TPPP: variants seen among roughly 807,000 people sequenced by gnomAD.
TPPP encodes tubulin polymerization-promoting protein.
A neutral mutation model predicts 15.5 loss-of-function variants in TPPP; 6 were observed. The observed-to-expected ratio is 0.39, with a 90% CI of 0.21 to 0.77. The LOEUF is 0.77. Among genes scored for constraint, TPPP ranks in the 30% least tolerant of loss-of-function variants. The pLI is 0.42. For synonymous variants in TPPP, 146 were observed against 133.9 expected, an observed-to-expected ratio of 1.09 and a Z score of -0.63; for missense variants, 269 against 307.2, an observed-to-expected ratio of 0.88 and a Z score of 0.93.
At chr5:693,570 G>A (rs1197889564), upstream of TPPP, among the ~76,000 whole-genome samples, 4 of 151,606 alleles carry the variant, frequency 2.6e-5, no homozygotes, top group Admixed American at 2.6e-4. Context: ...CAGGCCCCGC[G>A]GACCGCCGGG....
intron 2 of TPPP, among the ~76,000 whole-genome samples, chr5:667,798 G>A (rs949128951): frequency 6.6e-6 from 1 of 152,010 alleles, no homozygotes; most frequent in African/African-American, 2.4e-5. Flanking sequence ...AGAGGGGTCC[G>A]CGTGGGCCCC....
In TPPP at chr5:664,097, G is replaced by GGA. The variant is rs1739798707; in HGVS notation, c.*1004_*1005insTC. On this transcript the variant is annotated 3_prime_UTR_variant, in exon 4 of 4. Transcript: ENST00000360578. ...TAGTGTCCTGCTCTCCGGCGGGGGG[G>GGA]ATTGGCCAGGAGAGGTTAGGCTGAG... 6.6e-6 allele frequency: 1 copy of GGA among 152,568 alleles called. No individual in the cohort carries two copies. The highest frequency in any genetic ancestry group is 6.5e-5 in the Admixed American group (1 of 15,290). The allele number at this position is 152,568 out of a possible 1,614,324, so 9.5% of individuals were successfully genotyped here.
At chr5:672,692 G>A (rs1740265067) in intron 2 of TPPP, among the ~76,000 whole-genome samples, 1 of 152,240 alleles carries the variant, frequency 6.6e-6, no homozygotes, top group African/African-American at 2.4e-5. Context: ...GGCGCTGGGA[G>A]ATTCGCTGTC....
chr5:676,924 ACGCACG>A (rs1740462367), intron 2 of TPPP, among the ~76,000 whole-genome samples: 1 of 145,436 alleles, frequency 6.9e-6, no homozygotes, highest in Non-Finnish European at 1.5e-5. Flanking sequence ...CGACGCAGAA[ACGCACG>A]CGCGCACACG....
At chr5:678,953 G>A (rs1382436751) in intron 1 of TPPP, among the ~76,000 whole-genome samples, 1 of 152,102 alleles carries the variant, frequency 6.6e-6, no homozygotes, top group Non-Finnish European at 1.5e-5. Context: ...AAGGACTCAA[G>A]GCTGAGGTGC....
At chr5:672,715 G>A (rs1024670922) in intron 2 of TPPP, among the ~76,000 whole-genome samples, 8 of 152,168 alleles carry the variant, frequency 5.3e-5, no homozygotes, top group African/African-American at 1.9e-4. Context: ...TGGCTCTACC[G>A]GGCCCCACTC....
At chr5:668,095 C>G (rs57968741) in intron 2 of TPPP, among the ~76,000 whole-genome samples, 5 of 60,810 alleles carry the variant, frequency 8.2e-5, no homozygotes, top group Non-Finnish European at 5.9e-5. Flanking sequence ...CCGCGTGGGC[C>G]CCATCAGGGA....
chr5:667,870 C>A (rs71585295), intron 2 of TPPP, among the ~76,000 whole-genome samples: 8,983 of 64,900 alleles, frequency 0.14, 768 homozygotes, highest in East Asian at 0.26. Flanking sequence ...AGGGAAGTAC[C>A]GACAAGCACA....
intron 2 of TPPP, among the ~76,000 whole-genome samples, chr5:676,845 A>G (rs943290259): frequency 1.9e-4 from 27 of 140,172 alleles, no homozygotes; most frequent in African/African-American, 8.1e-4. Context: ...TGCACACACG[A>G]CACAGAAACG....
intron 2 of TPPP, among the ~76,000 whole-genome samples, chr5:669,163 A>C (rs1465293179): frequency 6.6e-6 from 1 of 152,114 alleles, no homozygotes; most frequent in Non-Finnish European, 1.5e-5. Flanking sequence ...GGCTTTGGGG[A>C]GACAGAGCCC....
chr5:694,328 C>G (rs1486150101), upstream of TPPP, among the ~76,000 whole-genome samples: 1 of 144,826 alleles, frequency 6.9e-6, no homozygotes, highest in Non-Finnish European at 1.6e-5. Flanking sequence ...GAGGCCGAGG[C>G]GCAGCCCCCC....
At chr5:694,737 C>T (rs1410502903), upstream of TPPP, among the ~76,000 whole-genome samples, 1 of 26,800 alleles carries the variant, frequency 3.7e-5, no homozygotes, top group East Asian at 5.7e-4. Context: ...TGCTCGGGTG[C>T]GGGCTCGGCT....
At chr5:696,858 CTG>C (rs1322612472), upstream of TPPP, among the ~76,000 whole-genome samples, 3 of 71,666 alleles carry the variant, frequency 4.2e-5, no homozygotes, top group East Asian at 6.0e-4. Flanking sequence ...GTATGTTCAG[CTG>C]TGTGTGTGTC....
chr5:688,572 C>T (rs868278184), intron 1 of TPPP, among the ~76,000 whole-genome samples: 8 of 151,998 alleles, frequency 5.3e-5, no homozygotes, highest in Non-Finnish European at 1.0e-4. Context: ...CGGCCCAGAA[C>T]GGCTGGCACT....
chr5:696,188 G>T (rs1741008037), upstream of TPPP, among the ~76,000 whole-genome samples: 2 of 138,820 alleles, frequency 1.4e-5, no homozygotes, highest in South Asian at 4.9e-4. Flanking sequence ...TGGAAGCCCT[G>T]GGTGGAAGGG....
intron 1 of TPPP, among the ~76,000 whole-genome samples, chr5:684,072 CG>C (rs1740702113): frequency 6.6e-6 from 1 of 151,626 alleles, no homozygotes; most frequent in African/African-American, 2.4e-5. Flanking sequence ...ACCCCACTGC[CG>C]GAACAGGACC....
intron 1 of TPPP, among the ~76,000 whole-genome samples, chr5:683,136 C>A (rs1237354002): frequency 6.6e-6 from 1 of 152,138 alleles, no homozygotes; most frequent in Non-Finnish European, 1.5e-5. Context: ...CCCGCTGACC[C>A]CCAGAGCTCG....
intron 2 of TPPP, among the ~76,000 whole-genome samples, chr5:670,115 G>T (rs1023782776): frequency 6.6e-6 from 1 of 152,190 alleles, no homozygotes; most frequent in Non-Finnish European, 1.5e-5. Context: ...GTCTCTCAGG[G>T]ACACTGGGAC....
chr5:663,873 T>C lies in TPPP; in HGVS notation c.*1229A>G, dbSNP rs1739788136. On this transcript the variant is annotated 3_prime_UTR_variant, in exon 4 of 4. Coordinates refer to ENST00000360578, the MANE Select transcript of TPPP (RefSeq NM_007030.3). ...TGCGTGCCAAGGGACAGTGGCAGTG[T>C]GCCATTGTGACAGCGGGTGGCCACA... The C allele has an allele frequency of 6.6e-6, 1 of 152,380 alleles. No homozygotes were observed. The highest frequency in any genetic ancestry group is 1.9e-4 in the East Asian group (1 of 5,208). 9.4% of individuals were successfully genotyped at this position (152,380 alleles called of 1,614,324 possible). A position where few individuals can be genotyped will look rare whatever the true frequency, so the allele number is the denominator to read the frequency against.
Sources: gnomAD v4.1 joint callset for allele counts (sites outside exome capture counted in the v4.1 genomes callset) on GRCh38, gnomAD v4.1.1 for gene constraint, MANE v1.5 for transcripts, NCBI Gene and HGNC (gene_info 2026-07-23, HGNC 2026-07-21) for gene names.